The following FAM135B variants were observed in gnomAD, a reference collection of about 807,000 sequenced individuals.
FAM135B encodes the protein family with sequence similarity 135 member B.
Under a neutral mutation model 127.7 loss-of-function variants are expected in FAM135B, and 43 were observed. The observed-to-expected ratio is 0.34, with a 90% CI of 0.26 to 0.43. The LOEUF is 0.43. FAM135B is among the 20% of genes least tolerant of loss of function. The pLI, the probability that FAM135B is intolerant of heterozygous loss-of-function variation, is 1.00. For synonymous variants in FAM135B, 670 were observed against 665.1 expected (o/e 1.01, Z -0.11); for missense variants, 1,558 against 1,725.6 (o/e 0.90, Z 1.72).
Position 138,243,685 on chromosome 8 carries a change from G to A in FAM135B, c.543-617C>T, listed in dbSNP as rs1821048745. 1.3e-5 allele frequency among the ~76,000 whole-genome samples: 2 copies of A among 152,202 alleles called. No individual in the cohort carries two copies. The highest frequency in any genetic ancestry group is 1.5e-5 in the Non-Finnish European group (1 of 68,038). On this transcript the variant is annotated intron_variant, in intron 6 of 19. Transcript: ENST00000395297. This position sits in a 1 kb window ranked among gnomAD's most constrained non-coding sequence, Gnocchi z 7.5. ...TTAATGGACATATTGTGATGGCAAT[G>A]ATCAATTTCAGGATCAAAGGAGATT...
chr8:138,415,316 C>G (rs1031649696), intron 1 of FAM135B, among the ~76,000 whole-genome samples: 3 of 152,200 alleles, frequency 2.0e-5, no homozygotes, highest in African/African-American at 7.2e-5. Flanking sequence ...GGGACTCACA[C>G]AGCATCTGGC....
At chr8:138,177,604 G>C (rs945799012) in intron 10 of FAM135B, among the ~76,000 whole-genome samples, 184 bp from the exon 11 acceptor site, 1 of 152,096 alleles carries the variant, frequency 6.6e-6, no homozygotes, top group African/African-American at 2.4e-5. Flanking sequence ...CTCTCCTTCA[G>C]AGCTCTTAGC....
At chr8:138,421,849 A>G (rs1834528221) in intron 1 of FAM135B, among the ~76,000 whole-genome samples, 1 of 152,164 alleles carries the variant, frequency 6.6e-6, no homozygotes, top group South Asian at 2.1e-4. Context: ...AAAAAGAAAA[A>G]AGCTAGAGGC....
In FAM135B at chr8:138,283,300, C is replaced by A. The variant is rs184827361; in HGVS notation, c.158-17458G>T. ...AACCAAAACGAAATGAGCCGTTGGG[C>A]CATAAAAAGATGGAAAAAATGTAAA... On this transcript the variant is annotated intron_variant, in intron 3 of 19. Coordinates refer to ENST00000395297, the MANE Select transcript of FAM135B (RefSeq NM_015912.4). Among the ~76,000 whole-genome samples, 10 of 151,876 alleles carry A rather than the reference C, an allele frequency of 6.6e-5. No homozygotes were observed. In the East Asian group the frequency reaches 1.9e-3, roughly 29 times the overall value.
In FAM135B at chr8:138,153,149, T is replaced by A. The variant is rs566822213; in HGVS notation, c.1326A>T (p.Lys442Asn). 17 of 1,610,968 alleles carry A rather than the reference T, an allele frequency of 1.1e-5. No homozygotes were observed. The South Asian group carries it at 1.9e-4, about 18-fold the overall frequency. The change falls in exon 13 of 20, where the codon AAA becomes AAT. Residue 442 changes from lysine (K) to asparagine (N), a missense_variant. Around this residue, in one of 5 missense-constraint regions of FAM135B, gnomAD observed 923 missense variants for 865.3 expected, o/e 1.07. Transcript: ENST00000395297. ...TTACCATACAGTTATCTTCCTTGTC[T>A]TTCAGATTCATTATTGTAGGACTTG... ...PVTSPTIMNL[K>N]DKEDNCMVNS...
chr8:138,169,780 CCAA>C (rs1820266096), intron 11 of FAM135B, among the ~76,000 whole-genome samples: 1 of 152,062 alleles, frequency 6.6e-6, no homozygotes, highest in Non-Finnish European at 1.5e-5. Flanking sequence ...GTCGAACAAG[CCAA>C]CATTCATGAA....
At chr8:138,417,460 C>T (rs1445453398) in intron 1 of FAM135B, among the ~76,000 whole-genome samples, 1 of 152,182 alleles carries the variant, frequency 6.6e-6, no homozygotes, top group Non-Finnish European at 1.5e-5. Flanking sequence ...TTTGCTAGTG[C>T]TCACTCGCCC....
intron 1 of FAM135B, among the ~76,000 whole-genome samples, chr8:138,467,223 T>G (rs1043049186): frequency 1.3e-5 from 2 of 152,160 alleles, no homozygotes; most frequent in African/African-American, 2.4e-5. Context: ...CTGCTCAGTC[T>G]AACCACAGGG....
rs1298011307 is a variant in FAM135B, at chr8:138,151,610, G to C, written c.2865C>G (p.Ser955Arg). The change falls in exon 13 of 20, where the codon AGC becomes AGG. Residue 955 changes from serine to arginine, a missense_variant. This residue lies in a region of FAM135B where 923 missense variants were observed against 865.3 expected (regional missense o/e 1.07). Transcript: ENST00000395297. Reference sequence around the variant, plus strand: ...CCATAATGCAAGGTGAACCGCTTTGGCTTTGCTGGCCTGTTGAGTTCCTGT... The same window carrying C: ...CCATAATGCAAGGTGAACCGCTTTGCCTTTGCTGGCCTGTTGAGTTCCTGT... ...AINRNSTGQQ[S>R]QSGSPCIMDD... The C allele has an allele frequency of 6.2e-7, 1 of 1,614,166 alleles. No individual in the cohort carries two copies. Among genetic ancestry groups the C allele is most frequent in the Non-Finnish European group, 8.5e-7 (1 of 1,180,020 alleles).
chr8:138,244,933 G>A (rs534050056), intron 6 of FAM135B, among the ~76,000 whole-genome samples: 1 of 152,168 alleles, frequency 6.6e-6, no homozygotes, highest in South Asian at 2.1e-4. Context: ...CCTATTTCAT[G>A]ATAATTGTGT....
chr8:138,393,662 G>A (rs550700266), intron 1 of FAM135B, among the ~76,000 whole-genome samples: 10 of 152,216 alleles, frequency 6.6e-5, no homozygotes, highest in Admixed American at 6.5e-4. Context: ...GTAGTCTCAG[G>A]CTGGAGCCTT....
intron 1 of FAM135B, among the ~76,000 whole-genome samples, chr8:138,463,320 T>C (rs1002458250): frequency 6.6e-6 from 1 of 151,884 alleles, no homozygotes; most frequent in Non-Finnish European, 1.5e-5. Context: ...GCAGTGACAG[T>C]AGGAAAGACA....
At chr8:138,368,302 G>A (rs950399550) in intron 1 of FAM135B, among the ~76,000 whole-genome samples, 3 of 152,078 alleles carry the variant, frequency 2.0e-5, no homozygotes, top group African/African-American at 4.8e-5. Flanking sequence ...ACAACATCCC[G>A]GCCGAGAGCA....
chr8:138,154,660 T>C (rs934240909), intron 12 of FAM135B, among the ~76,000 whole-genome samples: 4 of 151,598 alleles, frequency 2.6e-5, no homozygotes, highest in African/African-American at 9.7e-5. Context: ...CAAGCTTGAG[T>C]AGCCGATTCA....
At chr8:138,410,371 C>T (rs1406552386) in intron 1 of FAM135B, among the ~76,000 whole-genome samples, 3 of 152,176 alleles carry the variant, frequency 2.0e-5, no homozygotes, top group East Asian at 3.9e-4. Context: ...CTGGCTTCTA[C>T]CTTGCTTGAT....
chr8:138,245,381 G>A (rs1000355729), intron 6 of FAM135B, among the ~76,000 whole-genome samples: 1 of 152,136 alleles, frequency 6.6e-6, no homozygotes, highest in Non-Finnish European at 1.5e-5. Flanking sequence ...GTTGTGGGAG[G>A]GATCCAGTGA....
intron 1 of FAM135B, among the ~76,000 whole-genome samples, chr8:138,387,614 C>T (rs1324114414): frequency 6.6e-6 from 1 of 152,134 alleles, no homozygotes; most frequent in Non-Finnish European, 1.5e-5. Context: ...CTTGGAGCTC[C>T]TGTTATGTGC....
intron 9 of FAM135B, among the ~76,000 whole-genome samples, chr8:138,180,445 G>T (rs146777102): frequency 1.3e-5 from 2 of 152,124 alleles, no homozygotes; most frequent in Non-Finnish European, 1.5e-5. Flanking sequence ...CTTTCTCTTC[G>T]TTGCCCTGTG....
At chr8:138,169,528 A>G (rs764907030) in intron 11 of FAM135B, among the ~76,000 whole-genome samples, 2 of 148,668 alleles carry the variant, frequency 1.3e-5, no homozygotes, top group African/African-American at 5.1e-5. Context: ...CTCTTTAAAT[A>G]TTCTTCTCAG....
Sources: gnomAD v4.1 joint callset for allele counts (sites outside exome capture counted in the v4.1 genomes callset) on GRCh38, gnomAD v4.1.1 for gene constraint, gnomAD v4.1.1 regional missense constraint, Gnocchi (gnomAD v3.1) non-coding constraint, MANE v1.5 for transcripts, NCBI Gene and HGNC (gene_info 2026-07-23, HGNC 2026-07-21) for gene names.